RBFOX1: variants seen among roughly 807,000 people sequenced by gnomAD.
The protein encoded by RBFOX1 is RNA binding protein fox-1 homolog 1.
In RBFOX1, 8 loss-of-function variants were observed where a neutral mutation model predicts 57.7. The observed-to-expected ratio is 0.14, with a 90% CI of 0.08 to 0.25. RBFOX1 has a LOEUF of 0.25. RBFOX1 is among the 10% of genes least tolerant of loss of function. RBFOX1 has a pLI of 1.00. For synonymous variants in RBFOX1, 326 were observed against 222.4 expected (o/e 1.47, Z -4.15); for missense variants, 611 against 548.5 (o/e 1.11, Z -1.14).
intron 3 of RBFOX1, among the ~76,000 whole-genome samples, chr16:6,720,795 G>A (rs985999134): frequency 8.5e-5 from 13 of 152,130 alleles, no homozygotes; most frequent in African/African-American, 2.7e-4. Flanking sequence ...GATAAAGTAG[G>A]TACTTCTGAA....
At chr16:7,148,424 G>T (rs1026413903) in intron 4 of RBFOX1, among the ~76,000 whole-genome samples, 1 of 152,100 alleles carries the variant, frequency 6.6e-6, no homozygotes, top group Non-Finnish European at 1.5e-5. Context: ...CTCATCTTAA[G>T]TTCCTTCTCT....
intron 2 of RBFOX1, among the ~76,000 whole-genome samples, chr16:6,510,053 A>G (rs1036495742): frequency 1.3e-5 from 2 of 152,166 alleles, no homozygotes; most frequent in African/African-American, 2.4e-5. Flanking sequence ...GCTTCATATC[A>G]GGCTCCTGTC....
intron 2 of RBFOX1, among the ~76,000 whole-genome samples, chr16:6,414,123 A>G (rs999824836): frequency 1.3e-5 from 2 of 152,210 alleles, no homozygotes; most frequent in African/African-American, 4.8e-5. Flanking sequence ...CAAGAGAGCC[A>G]GCACAGGCCC....
rs199975881 is a variant in RBFOX1 at position 7,602,117 on chromosome 16, A to G, written c.622+4686A>G. ...GTAACCCAGCAAAGCCTTAAGAGAA[A>G]GCCTGTGCTGATGTTTTTTGTGTAC... On this transcript the variant is annotated intron_variant, in intron 9 of 15. Coordinates refer to ENST00000550418, the MANE Select transcript of RBFOX1 (RefSeq NM_018723.4). 3.3e-4 allele frequency among the ~76,000 whole-genome samples: 50 copies of G among 152,334 alleles called. 1 individual carries two copies. In the East Asian group the frequency reaches 9.7e-3, roughly 29 times the overall value.
intron 3 of RBFOX1, among the ~76,000 whole-genome samples, chr16:6,744,481 G>A (rs1383134930): frequency 6.6e-6 from 1 of 151,890 alleles, no homozygotes; most frequent in East Asian, 1.9e-4. Context: ...AAATTTAAGA[G>A]AATTGAAGTT....
chr16:5,724,773 G>A (rs186974283), intron 3 of RBFOX1, among the ~76,000 whole-genome samples: 7 of 152,098 alleles, frequency 4.6e-5, no homozygotes, highest in Non-Finnish European at 7.4e-5. Context: ...CACCATACTG[G>A]GTGCTTATAT....
At chr16:5,563,501 A>T (rs57784892) in intron 2 of RBFOX1, among the ~76,000 whole-genome samples, 1 of 152,182 alleles carries the variant, frequency 6.6e-6, no homozygotes, top group Non-Finnish European at 1.5e-5. Context: ...ACCAAAACTA[A>T]ATATAAACCA....
chr16:5,430,308 G>C (rs2067691876), intron 1 of RBFOX1, among the ~76,000 whole-genome samples: 1 of 152,154 alleles, frequency 6.6e-6, no homozygotes, highest in African/African-American at 2.4e-5. Context: ...ACACCTGAAA[G>C]ATAAATGGGA....
chr16:7,565,084 G>C lies in RBFOX1; in HGVS notation c.271-14693G>C, dbSNP rs548236895. ...CAGGAAGCTGGGAGGATCTGCACGA[G>C]CCCCGTTTTGAAGTAGGATTGTGAG... On this transcript the variant is annotated intron_variant, in intron 5 of 15. Coordinates refer to ENST00000550418, the MANE Select transcript of RBFOX1 (RefSeq NM_018723.4). Among the ~76,000 whole-genome samples, 17 of 152,310 alleles carry C rather than the reference G, an allele frequency of 1.1e-4. 1 individual carries two copies. The East Asian group carries it at 3.1e-3, about 28-fold the overall frequency.
intron 4 of RBFOX1, among the ~76,000 whole-genome samples, chr16:7,366,641 GTTTTC>G (rs2097455057): frequency 6.9e-6 from 1 of 145,270 alleles, no homozygotes; most frequent in Non-Finnish European, 1.5e-5. Context: ...GATATTGATA[GTTTTC>G]TTTTTTTTTT....
intron 4 of RBFOX1, among the ~76,000 whole-genome samples, chr16:7,353,532 A>G (rs964599723): frequency 6.6e-6 from 1 of 152,218 alleles, no homozygotes; most frequent in African/African-American, 2.4e-5. Context: ...AGCATTATTC[A>G]TAGTAACCAA....
intron 4 of RBFOX1, among the ~76,000 whole-genome samples, chr16:7,382,902 G>C (rs1184603642): frequency 2.6e-5 from 4 of 152,188 alleles, no homozygotes; most frequent in African/African-American, 9.7e-5. Context: ...CATCAAGTAT[G>C]TTTAGTTTAG....
At chr16:5,576,484 T>TC in intron 2 of RBFOX1, among the ~76,000 whole-genome samples, 1 of 152,360 alleles carries the variant, frequency 6.6e-6, no homozygotes, top group African/African-American at 2.4e-5. Flanking sequence ...TTTCTTTTTT[T>TC]CATCTGTGTG....
intron 2 of RBFOX1, among the ~76,000 whole-genome samples, chr16:6,580,258 G>C (rs1894858): frequency 0.33 from 49,417 of 151,880 alleles, 9,807 homozygotes; most frequent in Non-Finnish European, 0.44. Context: ...TGCCCGGCCA[G>C]GCCTGTTCAT....
In RBFOX1 at chr16:7,595,297, G is replaced by C. The variant is rs144681700; in HGVS notation, c.469-252G>C. ...TTATTTTCTTCTGTAGTGACATTTA[G>C]AAAGGTATTTTTGGTATCCTTCTTT... On this transcript the variant is annotated intron_variant, in intron 7 of 15. Coordinates refer to ENST00000550418, the MANE Select transcript of RBFOX1 (RefSeq NM_018723.4). Among the ~76,000 whole-genome samples the C allele has an allele frequency of 5.7e-4, 87 of 152,112 alleles. 2 individuals are homozygous for C. The highest frequency in any genetic ancestry group is 4.8e-3 in the South Asian group (23 of 4,812).
chr16:5,577,387 A>C (rs542762533), intron 2 of RBFOX1, among the ~76,000 whole-genome samples: 2 of 152,254 alleles, frequency 1.3e-5, no homozygotes, highest in Admixed American at 1.3e-4. Context: ...TCCTCACCTC[A>C]ACATTTTTAT....
intron 5 of RBFOX1, among the ~76,000 whole-genome samples, chr16:7,566,927 T>G (rs1167188319): frequency 6.6e-6 from 1 of 151,952 alleles, no homozygotes; most frequent in Non-Finnish European, 1.5e-5. Flanking sequence ...AAACCTTCAG[T>G]GTATCCATGA....
At chr16:5,667,582 G>C (rs1168227841) in intron 3 of RBFOX1, among the ~76,000 whole-genome samples, 1 of 152,178 alleles carries the variant, frequency 6.6e-6, no homozygotes, top group Non-Finnish European at 1.5e-5. Flanking sequence ...TACTAGAAGT[G>C]TACTTGAAAA....
chr16:6,163,090 G>A (rs1410535404), intron 1 of RBFOX1, among the ~76,000 whole-genome samples: 1 of 152,258 alleles, frequency 6.6e-6, no homozygotes, highest in Admixed American at 6.5e-5. Flanking sequence ...CCCAGAGAAG[G>A]TTAATTGTGA....
Sources: gnomAD v4.1 joint callset for allele counts (sites outside exome capture counted in the v4.1 genomes callset) on GRCh38, gnomAD v4.1.1 for gene constraint, MANE v1.5 for transcripts, NCBI Gene and HGNC (gene_info 2026-07-23, HGNC 2026-07-21) for gene names.